Variants in TEKT5 observed in about 807,000 individuals in gnomAD.
The protein encoded by TEKT5 is tektin-5.
In TEKT5, 52 loss-of-function variants were observed where a neutral mutation model predicts 48.7. That is an observed-to-expected ratio of 1.07 (90% confidence interval 0.86 to 1.35). The LOEUF (loss-of-function observed/expected upper bound fraction) is 1.35. Ranked by LOEUF, TEKT5 falls within the 40% of genes most tolerant of loss-of-function variation. The probability of loss-of-function intolerance (pLI) is 0.00; values close to 1 mark genes in which losing one functional copy is unlikely to be tolerated. For missense variants in TEKT5, 831 were observed against 641.6 expected (o/e 1.30, Z -3.19); for synonymous variants, 318 against 267.6 (o/e 1.19, Z -1.84).
intron 5 of TEKT5, among the ~76,000 whole-genome samples, chr16:10,636,983 ATT>A (rs71404408): frequency 0.12 from 14,717 of 123,502 alleles, 921 homozygotes; most frequent in East Asian, 0.3. Context: ...CACCTGGCTG[ATT>A]TTTTTTTTTT....
At chr16:10,633,610 A>C (rs1026861040) in intron 6 of TEKT5, among the ~76,000 whole-genome samples, 1 of 152,094 alleles carries the variant, frequency 6.6e-6, no homozygotes, top group Non-Finnish European at 1.5e-5. Context: ...TGGCGCAATC[A>C]TAGCTCACTG....
chr16:10,645,419 G>A (rs1898055130), intron 5 of TEKT5, among the ~76,000 whole-genome samples: 1 of 152,124 alleles, frequency 6.6e-6, no homozygotes, highest in Non-Finnish European at 1.5e-5. Flanking sequence ...GGCTGAGGTG[G>A]GAGGACTGCC....
intron 6 of TEKT5, among the ~76,000 whole-genome samples, chr16:10,633,316 G>C (rs952870871): frequency 6.6e-6 from 1 of 152,046 alleles, no homozygotes; most frequent in African/African-American, 2.4e-5. Flanking sequence ...AGCCAAGATC[G>C]TGCCACTGCA....
At chr16:10,679,897 C>CAAATAAATAAATAAATAAATAAAT (rs56032112) in intron 4 of TEKT5, among the ~76,000 whole-genome samples, 10,528 of 149,984 alleles carry the variant, frequency 0.07, 475 homozygotes, top group East Asian at 0.14. Context: ...AACTCGGTCT[C>CAAATAAATAAATAAATAAATAAAT]AAATAAATAA....
chr16:10,651,457 T>C (rs1203508292), intron 5 of TEKT5, among the ~76,000 whole-genome samples: 2 of 152,316 alleles, frequency 1.3e-5, no homozygotes, highest in East Asian at 3.9e-4. Context: ...TTTGCTCCCT[T>C]CTGAATTCCC....
intron 5 of TEKT5, among the ~76,000 whole-genome samples, chr16:10,661,202 T>C (rs1435200270): frequency 1.3e-5 from 2 of 152,218 alleles, no homozygotes; most frequent in Non-Finnish European, 2.9e-5. Flanking sequence ...GATTTGGCCC[T>C]TGGGGCTGTG....
At chr16:10,687,627 C>A (rs1898886339) in intron 3 of TEKT5, among the ~76,000 whole-genome samples, 1 of 147,418 alleles carries the variant, frequency 6.8e-6, no homozygotes, top group African/African-American at 2.5e-5. Flanking sequence ...GTGGCATGGG[C>A]CTGTAATCCC....
intron 5 of TEKT5, among the ~76,000 whole-genome samples, chr16:10,654,659 A>G (rs1891468685): frequency 6.6e-6 from 1 of 152,054 alleles, no homozygotes; most frequent in African/African-American, 2.4e-5. Flanking sequence ...TCAGACTCAG[A>G]CGGAAGCTTA....
chr16:10,661,620 C>T (rs57560783), intron 5 of TEKT5, among the ~76,000 whole-genome samples: 3,106 of 152,214 alleles, frequency 0.02, 144 homozygotes, highest in East Asian at 0.17. Flanking sequence ...GCTAAAGAAA[C>T]GAGGTCACCA....
At chr16:10,633,798 G>A (rs1022293140) in intron 6 of TEKT5, among the ~76,000 whole-genome samples, 1 of 151,966 alleles carries the variant, frequency 6.6e-6, no homozygotes, top group Non-Finnish European at 1.5e-5. Flanking sequence ...CTCCTGCCTC[G>A]GCCTTCCAAA....
intron 5 of TEKT5, among the ~76,000 whole-genome samples, chr16:10,642,482 A>G (rs946127161): frequency 2.0e-5 from 3 of 151,838 alleles, no homozygotes; most frequent in African/African-American, 7.3e-5. Context: ...AACCATAACA[A>G]AGGCTCCTGC....
chr16:10,637,525 A>G (rs189080397), intron 5 of TEKT5, among the ~76,000 whole-genome samples: 1 of 152,212 alleles, frequency 6.6e-6, no homozygotes, highest in South Asian at 2.1e-4. Context: ...ATCTGTCAAG[A>G]TATTTTTCCC....
chr16:10,690,211 G>A (rs530471981), intron 1 of TEKT5, 186 bp from the exon 2 acceptor site: 2 of 611,350 alleles, frequency 3.3e-6, no homozygotes, highest in African/African-American at 1.9e-5. Flanking sequence ...GAGAGCTGTG[G>A]GTTGTCATAT....
In TEKT5 at chr16:10,652,926, ACCC is replaced by A. The variant is rs1379415127; in HGVS notation, c.1087-17011_1087-17009del. On this transcript the variant is annotated intron_variant, in intron 5 of 6. Transcript: ENST00000283025. ...TACACAGGCAGAGACACACACACAC[ACCC>A]TCCCTCTCCAGGTCAGGTAGAACAA... Among the ~76,000 whole-genome samples the A allele has an allele frequency of 3.7e-5, 5 of 136,880 alleles. No homozygotes were observed. The South Asian group carries it at 1.2e-3, about 33-fold the overall frequency. The allele number at this position is 136,880 out of a possible 152,430, so 89.8% of individuals were successfully genotyped here.
At position 10,633,137 on chromosome 16, in the gene TEKT5, G is replaced by C. The variant is rs150516881; in HGVS notation, c.1241+2627C>G. ...GCACTTTGGGAGGCCAAGGTGGCTG[G>C]ATCACTTGAGGTTAGGAGTTTGAGA... On this transcript the variant is annotated intron_variant, in intron 6 of 6. Transcript: ENST00000283025. Among the ~76,000 whole-genome samples the C allele has an allele frequency of 5.3e-3, 805 of 152,334 alleles. 11 individuals carry two copies. The highest frequency in any genetic ancestry group is 0.018 in the African/African-American group (763 of 41,568).
intron 5 of TEKT5, among the ~76,000 whole-genome samples, chr16:10,640,031 T>G (rs1326334570): frequency 1.4e-5 from 2 of 144,984 alleles, no homozygotes; most frequent in Non-Finnish European, 3.0e-5. Flanking sequence ...TCTCTTCCCC[T>G]TCTCCTTCTT....
At chr16:10,674,587 C>T (rs1316618827) in intron 5 of TEKT5, among the ~76,000 whole-genome samples, 1 of 132,498 alleles carries the variant, frequency 7.5e-6, no homozygotes, top group African/African-American at 3.0e-5. Flanking sequence ...CACTGTGCTC[C>T]AGCCTGGGCA....
intron 5 of TEKT5, among the ~76,000 whole-genome samples, chr16:10,636,739 TCA>T (rs1897919200): frequency 6.7e-6 from 1 of 148,574 alleles, no homozygotes; most frequent in Non-Finnish European, 1.5e-5. Context: ...TCAAACAGAC[TCA>T]GAGTTTACCT....
chr16:10,673,462 G>C (rs963316177), intron 5 of TEKT5, among the ~76,000 whole-genome samples: 1 of 152,100 alleles, frequency 6.6e-6, no homozygotes, highest in Non-Finnish European at 1.5e-5. Context: ...TAGAGGATTA[G>C]TAGGAAAATA....
Sources: gnomAD v4.1 joint callset for allele counts (sites outside exome capture counted in the v4.1 genomes callset) on GRCh38, gnomAD v4.1.1 for gene constraint, MANE v1.5 for transcripts, NCBI Gene and HGNC (gene_info 2026-07-23, HGNC 2026-07-21) for gene names.